KMT2C: variants seen among roughly 807,000 people sequenced by gnomAD.
KMT2C encodes lysine methyltransferase 2C.
Under a neutral mutation model 507.9 loss-of-function variants are expected in KMT2C, and 88 were observed. That is an observed-to-expected ratio of 0.17 (90% CI 0.15 to 0.21). The LOEUF (loss-of-function observed/expected upper bound fraction) is 0.21. Ranked by LOEUF, KMT2C falls within the 10% of genes least tolerant of loss-of-function variation. KMT2C has a pLI of 1.00. For missense variants in KMT2C, 4,954 were observed against 5,957.8 expected, an observed-to-expected ratio of 0.83 and a Z score of 5.55; for synonymous variants, 2,049 against 2,080.8, an observed-to-expected ratio of 0.98 and a Z score of 0.42.
chr7:152,198,495 CAAT>C (rs1242235350), intron 27 of KMT2C, among the ~76,000 whole-genome samples: 2 of 152,050 alleles, frequency 1.3e-5, no homozygotes, highest in Non-Finnish European at 2.9e-5. Flanking sequence ...ACCAAAAGAA[CAAT>C]GATTTACAAT....
intron 54 of KMT2C, 58 bp downstream of exon 54, chr7:152,145,095 A>C (rs2090969921): frequency 6.4e-7 from 1 of 1,571,932 alleles, no homozygotes; most frequent in Non-Finnish European, 8.6e-7. Flanking sequence ...CAAGCACAGG[A>C]AACCACTAAT....
chr7:152,259,433 G>GACAC (rs1426757158), intron 9 of KMT2C, among the ~76,000 whole-genome samples: 2 of 112,784 alleles, frequency 1.8e-5, no homozygotes, highest in Non-Finnish European at 1.9e-5. Context: ...CAAAAACACA[G>GACAC]ACACACACAC....
intron 3 of KMT2C, among the ~76,000 whole-genome samples, chr7:152,323,962 T>C (rs1225074799): frequency 1.3e-5 from 2 of 151,706 alleles, no homozygotes; most frequent in East Asian, 1.9e-4. Flanking sequence ...ATCTCACTTA[T>C]ATGTAGAATC....
At chr7:152,140,868 G>A (rs2090455892) in intron 55 of KMT2C, among the ~76,000 whole-genome samples, 1 of 152,190 alleles carries the variant, frequency 6.6e-6, no homozygotes, top group Non-Finnish European at 1.5e-5. Context: ...ACAAGTGAAT[G>A]AACCAGAACA....
At chr7:152,137,026 C>A in intron 58 of KMT2C, 102 bp from the exon 59 acceptor site, 1 of 868,348 alleles carries the variant, frequency 1.2e-6, no homozygotes. Flanking sequence ...ACGAAACAGA[C>A]GTAAATTAAG....
intron 9 of KMT2C, among the ~76,000 whole-genome samples, chr7:152,262,425 A>C (rs1470387155): frequency 6.6e-6 from 1 of 152,064 alleles, no homozygotes; most frequent in Admixed American, 6.5e-5. Context: ...GGCTATCTCC[A>C]CTACCCCACT....
chr7:152,145,263 G>T lies in KMT2C; in HGVS notation c.14064C>A (p.Thr4688=). 6.2e-7 allele frequency: 1 copy of T among 1,614,114 alleles called. No homozygotes were observed. The highest frequency in any genetic ancestry group is 8.5e-7 in the Non-Finnish European group (1 of 1,180,004). The change falls in exon 54 of 59, where the codon ACC becomes ACA. Residue 4688 remains threonine (T), a synonymous_variant. Coordinates refer to ENST00000262189, the MANE Select transcript of KMT2C (RefSeq NM_170606.3). ...TGAGAGGATTTCGGCCGTATCGGAA[G>T]GTATAATTTTCACATGCCTCAACCC... ...LPGVEACENY[T]FRYGRNPLME... is the part of the protein sequence containing the mutation.
rs758501989 is a variant in KMT2C at position 152,176,587 on chromosome 7, G to A, written c.8866C>T (p.Pro2956Ser). The part of the protein sequence containing the change: ...SPSNHVSSLP[P>S]FIAPPGRVLD... ...ACACGGCCAGGCGGTGCTATGAAAG[G>A]AGGCAAACTTGACACATGATTGGAT... Residue 2956 changes from proline to serine, a missense_variant, in exon 38 of 59, where the codon CCT (proline) becomes TCT (serine). Pro to Ser is a moderately conservative substitution (Grantham distance 74, BLOSUM62 -1). Around this residue, in one of 29 missense-constraint regions of KMT2C, gnomAD observed 1,689 missense variants for 1,654.3 expected, o/e 1.02. Transcript: ENST00000262189. 6.2e-7 allele frequency: 1 copy of A among 1,614,188 alleles called. No individual in the cohort carries two copies. The highest frequency in any genetic ancestry group is 2.2e-5 in the East Asian group (1 of 44,882).
chr7:152,237,819 A>G (rs2095309284), intron 15 of KMT2C, among the ~76,000 whole-genome samples: 1 of 152,154 alleles, frequency 6.6e-6, no homozygotes, highest in South Asian at 2.1e-4. Flanking sequence ...TTGTTTTTAA[A>G]TTGGTATAAA....
intron 18 of KMT2C, among the ~76,000 whole-genome samples, chr7:152,229,313 G>GA (rs1403976826): frequency 6.6e-6 from 1 of 151,962 alleles, no homozygotes; most frequent in East Asian, 1.9e-4. Context: ...TTCTTAAAAA[G>GA]AAAAAACCAA....
At chr7:152,291,737 A>G (rs2096430459) in intron 6 of KMT2C, among the ~76,000 whole-genome samples, 1 of 152,262 alleles carries the variant, frequency 6.6e-6, no homozygotes, top group East Asian at 1.9e-4. Context: ...AAAGCCTAAG[A>G]AAACCATGAA....
At chr7:152,332,705 G>A (rs760727678) in intron 2 of KMT2C, among the ~76,000 whole-genome samples, 4 of 152,138 alleles carry the variant, frequency 2.6e-5, no homozygotes, top group Admixed American at 6.5e-5. Flanking sequence ...AAAATTAGCC[G>A]GGCTTGGTGG....
chr7:152,269,158 A>G (rs998394769), intron 7 of KMT2C, among the ~76,000 whole-genome samples: 1 of 152,240 alleles, frequency 6.6e-6, no homozygotes, highest in African/African-American at 2.4e-5. Context: ...GACAACTGTC[A>G]TTGTCACAAA....
At chr7:152,429,642 T>A (rs1442984155) in intron 1 of KMT2C, among the ~76,000 whole-genome samples, 1 of 151,690 alleles carries the variant, frequency 6.6e-6, no homozygotes, top group Non-Finnish European at 1.5e-5. Flanking sequence ...TGCCTCAGCC[T>A]CCCGAGTCAC....
chr7:152,338,031 T>C (rs897964020), intron 2 of KMT2C, among the ~76,000 whole-genome samples: 2 of 152,022 alleles, frequency 1.3e-5, no homozygotes, highest in Non-Finnish European at 2.9e-5. Context: ...TAATTTTTTG[T>C]ATTTTTTTAG....
In KMT2C at chr7:152,182,143, C is replaced by T. The variant is rs200152380; in HGVS notation, c.5717G>A (p.Arg1906Gln). Reference sequence around the variant, plus strand: ...AAAACTATGGCCCACAGGAGGTGGTCGAGGGGTACCAACCATTTTTGCATA... The same window carrying T: ...AAAACTATGGCCCACAGGAGGTGGTTGAGGGGTACCAACCATTTTTGCATA... ...DPYAKMVGTP[R>Q]PPPVGHSFSR... The change falls in exon 36 of 59, where the codon CGA becomes CAA. Residue 1906 changes from arginine (R) to glutamine (Q), a missense_variant. Physicochemically the swap from Arg to Gln is conservative, Grantham distance 43. Around this residue, in one of 29 missense-constraint regions of KMT2C, gnomAD observed 1,689 missense variants for 1,654.3 expected, o/e 1.02. Coordinates refer to ENST00000262189, the MANE Select transcript of KMT2C (RefSeq NM_170606.3). 1.3e-5 allele frequency: 21 copies of T among 1,613,952 alleles called. No individual in the cohort carries two copies. In the Middle Eastern group the frequency reaches 4.9e-4, roughly 38 times the overall value.
chr7:152,201,205 T>C (rs1392099644), intron 26 of KMT2C, among the ~76,000 whole-genome samples: 1 of 151,554 alleles, frequency 6.6e-6, no homozygotes, highest in Non-Finnish European at 1.5e-5. Flanking sequence ...GTAGATAACA[T>C]AAAGAGGGGG....
At position 152,182,122 on chromosome 7, in the gene KMT2C, C is replaced by T. The variant is rs1563290947; in HGVS notation, c.5738G>A (p.Ser1913Asn). Reference sequence around the variant, plus strand: ...TGCAGCAGAATTTCTTCTGGAAAAACTATGGCCCACAGGAGGTGGTCGAGG... The same window carrying T: ...TGCAGCAGAATTTCTTCTGGAAAAATTATGGCCCACAGGAGGTGGTCGAGG... ...GTPRPPPVGH[S>N]FSRRNSAAPV... The change falls in exon 36 of 59, where the codon AGT (serine) becomes AAT (asparagine). Residue 1913 changes from serine (S) to asparagine (N), a missense_variant. By Grantham distance (46) the Ser-to-Asn change is conservative (BLOSUM62 1). Transcript: ENST00000262189. The T allele has an allele frequency of 1.2e-6, 2 of 1,614,170 alleles. No homozygotes were observed. The highest frequency in any genetic ancestry group is 2.7e-5 in the African/African-American group (2 of 75,026).
intron 6 of KMT2C, among the ~76,000 whole-genome samples, chr7:152,290,533 C>T (rs1177036436): frequency 3.3e-5 from 5 of 151,092 alleles, no homozygotes; most frequent in Non-Finnish European, 7.4e-5. Flanking sequence ...TGGTCTTGAG[C>T]TCCTGACCTC....
Sources: allele counts gnomAD v4.1 joint callset (sites outside exome capture counted in the v4.1 genomes callset), GRCh38; gene constraint gnomAD v4.1.1; regional missense constraint gnomAD v4.1.1; transcripts MANE v1.5; gene names NCBI Gene and HGNC (gene_info 2026-07-23, HGNC 2026-07-21).